ERC1: variants seen among roughly 807,000 people sequenced by gnomAD.
The protein encoded by ERC1 is RAB6 interacting protein 2.
A neutral mutation model predicts 132.0 loss-of-function variants in ERC1; 56 were observed. That is an observed-to-expected ratio of 0.42 (90% CI 0.34 to 0.53). ERC1 has a LOEUF of 0.53. Among genes scored for constraint, ERC1 ranks in the 20% least tolerant of loss-of-function variants. The pLI is 0.03. For synonymous variants in ERC1, 478 were observed against 476.1 expected, an observed-to-expected ratio of 1.00 and a Z score of -0.05; for missense variants, 1,202 against 1,349.9, an observed-to-expected ratio of 0.89 and a Z score of 1.72.
chr12:1,330,317 T>G (rs943414099), intron 15 of ERC1, among the ~76,000 whole-genome samples: 1 of 152,218 alleles, frequency 6.6e-6, no homozygotes, highest in Non-Finnish European at 1.5e-5. Context: ...TAGCTAAGGC[T>G]GAGAAGCAAT....
intron 18 of ERC1, among the ~76,000 whole-genome samples, chr12:1,467,134 C>G (rs1474000055): frequency 6.6e-6 from 1 of 152,234 alleles, no homozygotes; most frequent in Non-Finnish European, 1.5e-5. Context: ...CTGGAAACAT[C>G]TTACTCTTTT....
intron 15 of ERC1, among the ~76,000 whole-genome samples, chr12:1,356,102 G>T (rs1227194867): frequency 6.6e-6 from 1 of 151,908 alleles, no homozygotes; most frequent in South Asian, 2.1e-4. Context: ...TACTTGCAGG[G>T]CTGAGATGGG....
chr12:1,175,353 A>G (rs1014928485), intron 8 of ERC1, among the ~76,000 whole-genome samples: 2 of 152,134 alleles, frequency 1.3e-5, no homozygotes, highest in African/African-American at 4.8e-5. Flanking sequence ...AATTAGAGTC[A>G]ATCCTCTCAA....
intron 15 of ERC1, among the ~76,000 whole-genome samples, chr12:1,361,779 A>G (rs2086149531): frequency 6.6e-6 from 1 of 152,240 alleles, no homozygotes; most frequent in Non-Finnish European, 1.5e-5. Flanking sequence ...GAAGGCCTTT[A>G]CTTACTATCA....
intron 17 of ERC1, among the ~76,000 whole-genome samples, chr12:1,438,266 A>C (rs1290978141): frequency 6.6e-6 from 1 of 152,260 alleles, no homozygotes; most frequent in African/African-American, 2.4e-5. Context: ...ACTTTGAGGC[A>C]GAATTAATGA....
At chr12:1,002,822 C>T (rs890496403) in intron 1 of ERC1, among the ~76,000 whole-genome samples, 4 of 151,994 alleles carry the variant, frequency 2.6e-5, no homozygotes, top group African/African-American at 7.2e-5. Context: ...TTGTGAAATG[C>T]TTATTCACAT....
At chr12:1,038,071 AC>A (rs903973025) in intron 2 of ERC1, among the ~76,000 whole-genome samples, 1 of 152,008 alleles carries the variant, frequency 6.6e-6, no homozygotes, top group Non-Finnish European at 1.5e-5. Context: ...AAAGAAAAAA[AC>A]TATTTCCATT....
chr12:1,368,059 A>G lies in ERC1; in HGVS notation c.2781-3774A>G, dbSNP rs2086835775. ...TCTTATTTTGCCCTGGGCTTGTGGCATACATATATTACCGTTCACATTTTA... is the reference window on the plus strand; with the variant it reads ...TCTTATTTTGCCCTGGGCTTGTGGCGTACATATATTACCGTTCACATTTTA... On this transcript the variant is annotated intron_variant, in intron 15 of 18. Transcript: ENST00000360905. Among the ~76,000 whole-genome samples the G allele has an allele frequency of 2.0e-5, 3 of 149,760 alleles. No homozygotes were observed. In the Admixed American group the frequency reaches 2.0e-4, roughly 10 times the overall value.
At chr12:1,321,671 C>T (rs1014087033) in intron 15 of ERC1, among the ~76,000 whole-genome samples, 1 of 152,106 alleles carries the variant, frequency 6.6e-6, no homozygotes, top group Admixed American at 6.5e-5. Context: ...CATGCAGTTG[C>T]TTTAGAAGCC....
rs201572681 is a variant in ERC1, at chr12:1,103,138, CACA to C, written c.1087-1606_1087-1604del. Among the ~76,000 whole-genome samples, 719 of 152,312 alleles carry C rather than the reference CACA, an allele frequency of 4.7e-3. 8 individuals carry two copies. Among genetic ancestry groups the C allele is most frequent in the African/African-American group, 0.014 (574 of 41,560 alleles). On this transcript the variant is annotated intron_variant, in intron 3 of 18. Coordinates refer to ENST00000360905, the MANE Select transcript of ERC1 (RefSeq NM_178040.4). ...TCTTGCATAGCGACAATGGCATTAT[CACA>C]ACAACTAAACCTAATACTAACACAA... is the stretch of plus-strand genomic sequence containing the variant.
chr12:1,196,948 A>G (rs1956354132), intron 12 of ERC1, among the ~76,000 whole-genome samples: 1 of 55,822 alleles, frequency 1.8e-5, no homozygotes, highest in Non-Finnish European at 3.1e-5. Context: ...ACACACACAC[A>G]CACACACACA....
chr12:1,382,155 A>G (rs972216974), intron 16 of ERC1, among the ~76,000 whole-genome samples: 3 of 152,234 alleles, frequency 2.0e-5, no homozygotes, highest in Non-Finnish European at 2.9e-5. Context: ...CTGTTGATAA[A>G]TAAGTATATA....
At chr12:1,019,931 T>A (rs1405844247) in intron 1 of ERC1, among the ~76,000 whole-genome samples, 1 of 151,950 alleles carries the variant, frequency 6.6e-6, no homozygotes, top group Non-Finnish European at 1.5e-5. Flanking sequence ...TTTTAAATTT[T>A]TTTTGCAGAG....
intron 2 of ERC1, among the ~76,000 whole-genome samples, chr12:1,033,507 A>G (rs1968470039): frequency 6.7e-6 from 1 of 149,100 alleles, no homozygotes; most frequent in Admixed American, 6.7e-5. Flanking sequence ...AGTGTTGCCC[A>G]GGCTGGAGCG....
intron 16 of ERC1, among the ~76,000 whole-genome samples, chr12:1,390,130 A>G (rs1372131614): frequency 1.3e-5 from 2 of 152,150 alleles, no homozygotes; most frequent in Non-Finnish European, 2.9e-5. Context: ...ATTTTATTAA[A>G]ATTTTTATTT....
intron 8 of ERC1, among the ~76,000 whole-genome samples, chr12:1,159,307 A>G (rs1951679447): frequency 6.6e-6 from 1 of 152,204 alleles, no homozygotes; most frequent in South Asian, 2.1e-4. Context: ...AGGCATTAGG[A>G]TCTCATAAGA....
intron 2 of ERC1, among the ~76,000 whole-genome samples, chr12:1,034,084 TC>T (rs1968597067): frequency 1.3e-5 from 2 of 152,236 alleles, no homozygotes. Flanking sequence ...TTTTTCTTTT[TC>T]TTGGTAAAAA....
intron 2 of ERC1, among the ~76,000 whole-genome samples, chr12:1,029,664 C>T (rs548126198): frequency 6.6e-6 from 1 of 151,982 alleles, no homozygotes; most frequent in East Asian, 1.9e-4. Context: ...ATAGCCATGC[C>T]ACATTCAGTG....
Position 1,490,343 on chromosome 12 carries a change from A to T in ERC1, c.*113A>T. On this transcript the variant is annotated 3_prime_UTR_variant, in exon 19 of 19. Coordinates refer to ENST00000360905, the MANE Select transcript of ERC1 (RefSeq NM_178040.4). The stretch of plus-strand genomic sequence containing the variant: ...ACCAAACACTACAAACTTCATCCCA[A>T]CTTGCTCACTTGAAGAAGTGTGATT... The T allele has an allele frequency of 1.0e-6, 1 of 997,756 alleles. No homozygotes were observed. The highest frequency in any genetic ancestry group is 1.7e-5 in the South Asian group (1 of 60,508). The allele number at this position is 997,756 out of a possible 1,614,324, so 61.8% of individuals were successfully genotyped here. A position where few individuals can be genotyped will look rare whatever the true frequency, so the allele number is the denominator to read the frequency against.
Sources: allele counts gnomAD v4.1 joint callset (sites outside exome capture counted in the v4.1 genomes callset), GRCh38; gene constraint gnomAD v4.1.1; transcripts MANE v1.5; gene names NCBI Gene and HGNC (gene_info 2026-07-23, HGNC 2026-07-21).